The following KMT2C variants were observed in gnomAD, a reference collection of about 807,000 sequenced individuals.
KMT2C encodes histone-lysine N-methyltransferase 2C.
In KMT2C, 88 loss-of-function variants were observed where a neutral mutation model predicts 507.9. The ratio of observed to expected loss-of-function variants is 0.17; its 90% CI spans 0.15 to 0.21. The LOEUF (loss-of-function observed/expected upper bound fraction) is 0.21, where lower values mean the gene tolerates loss of function less well. Ranked by LOEUF, KMT2C falls within the 10% of genes least tolerant of loss-of-function variation. The pLI is 1.00. For missense variants in KMT2C, 4,954 were observed against 5,957.8 expected, an observed-to-expected ratio of 0.83 and a Z score of 5.55; for synonymous variants, 2,049 against 2,080.8, an observed-to-expected ratio of 0.98 and a Z score of 0.42.
chr7:152,199,753 G>A (rs1332688498), intron 26 of KMT2C, among the ~76,000 whole-genome samples: 1 of 152,054 alleles, frequency 6.6e-6, no homozygotes, highest in Non-Finnish European at 1.5e-5. Context: ...AGCTTCATGA[G>A]TATTATTAAT....
intron 1 of KMT2C, among the ~76,000 whole-genome samples, chr7:152,387,566 G>T (rs1365328487): frequency 7.2e-6 from 1 of 138,490 alleles, no homozygotes; most frequent in South Asian, 2.3e-4. Flanking sequence ...TGCCTCCCGG[G>T]TTCACGCCAT....
rs2129202621 is a variant in KMT2C, at chr7:152,315,258, G to A, written c.470C>T (p.Pro157Leu). ...GTTTCTCCATGGCAAGATAAATCCA[G>A]GCGTTATTCTGAATTGTTTTAAGTC... ...QGDLKQFRIT[P>L]GFILPWRNQP... The change falls in exon 4 of 59, where the codon CCT becomes CTT. Residue 157 changes from proline (P) to leucine (L), a missense_variant. Pro to Leu is a moderately conservative substitution (Grantham distance 98). Transcript: ENST00000262189. The A allele has an allele frequency of 6.2e-7, 1 of 1,613,902 alleles. No homozygotes were observed. The highest frequency in any genetic ancestry group is 8.5e-7 in the Non-Finnish European group (1 of 1,179,900).
intron 42 of KMT2C, among the ~76,000 whole-genome samples, chr7:152,164,498 C>A (rs886762376): frequency 6.6e-6 from 1 of 151,824 alleles, no homozygotes; most frequent in Non-Finnish European, 1.5e-5. Flanking sequence ...ACCGTGTTAG[C>A]CAGGATGGTC....
intron 7 of KMT2C, among the ~76,000 whole-genome samples, chr7:152,271,661 G>A (rs773865397): frequency 2.6e-4 from 33 of 127,266 alleles, no homozygotes; most frequent in Non-Finnish European, 3.7e-4. Context: ...GTGACAGTGC[G>A]AGACTCCATC....
intron 1 of KMT2C, among the ~76,000 whole-genome samples, chr7:152,360,664 T>C (rs1435528724): frequency 6.6e-6 from 1 of 151,270 alleles, no homozygotes; most frequent in Non-Finnish European, 1.5e-5. Flanking sequence ...AGAAACCCCG[T>C]CACTACTAAA....
chr7:152,297,007 A>AAGAAAGAAAGAAAGAAAGAAAGAAAGAC (rs2096507906), intron 6 of KMT2C, among the ~76,000 whole-genome samples: 1 of 77,580 alleles, frequency 1.3e-5, no homozygotes, highest in African/African-American at 7.6e-5. Flanking sequence ...AAAAGAAAGA[A>AAGAAAGAAAGAAAGAAAGAAAGAAAGAC]AGAAAGAAAG....
At chr7:152,230,081 C>A (rs2095062354) in intron 17 of KMT2C, 54 bp from the exon 18 acceptor site, 1 of 898,586 alleles carries the variant, frequency 1.1e-6, no homozygotes. Context: ...TAAAAACCTA[C>A]AAATTTTACT....
intron 1 of KMT2C, among the ~76,000 whole-genome samples, chr7:152,397,329 T>C (rs2097543553): frequency 6.6e-6 from 1 of 151,994 alleles, no homozygotes; most frequent in Non-Finnish European, 1.5e-5. Flanking sequence ...TCCTGAGCTT[T>C]CCAAACACTT....
chr7:152,408,468 C>G (rs1308857450), intron 1 of KMT2C, among the ~76,000 whole-genome samples: 1 of 152,172 alleles, frequency 6.6e-6, no homozygotes, highest in East Asian at 1.9e-4. Context: ...AGCTGCAGAC[C>G]AATACCACTC....
intron 6 of KMT2C, among the ~76,000 whole-genome samples, chr7:152,283,272 T>TTA (rs1213346877): frequency 1.3e-5 from 2 of 148,864 alleles, no homozygotes; most frequent in Admixed American, 1.3e-4. Flanking sequence ...CACGTTTGCT[T>TTA]AACACAACTT....
Position 152,283,476 on chromosome 7 carries a change from G to C in KMT2C, c.850-9609C>G, listed in dbSNP as rs141827938. ...TGCTTTCTCTTTAGTCCAAAACCTG[G>C]GTGTAATTTTAGTCCAAATTTGAAA... On this transcript the variant is annotated intron_variant, in intron 6 of 58. Coordinates refer to ENST00000262189, the MANE Select transcript of KMT2C (RefSeq NM_170606.3). Among the ~76,000 whole-genome samples the C allele has an allele frequency of 2.5e-3, 374 of 151,944 alleles. 1 individual carries two copies. The highest frequency in any genetic ancestry group is 8.6e-3 in the African/African-American group (356 of 41,446).
chr7:152,203,091 A>C (rs936645672), intron 25 of KMT2C, 27 bp from the exon 26 acceptor site: 1 of 1,555,428 alleles, frequency 6.4e-7, no homozygotes. Context: ...ATTTATAAAT[A>C]TGTGACATTT....
At chr7:152,379,885 C>A (rs571365273) in intron 1 of KMT2C, among the ~76,000 whole-genome samples, 99 of 152,066 alleles carry the variant, frequency 6.5e-4, no homozygotes, top group African/African-American at 2.4e-3. Context: ...CACTTGAGCC[C>A]ATGGGTTCGA....
intron 37 of KMT2C, 42 bp from the exon 38 acceptor site, chr7:152,178,052 T>C (rs2129116045): frequency 7.6e-7 from 1 of 1,314,546 alleles, no homozygotes; most frequent in Non-Finnish European, 9.6e-7. Flanking sequence ...AGCAAATAGG[T>C]ATTATGTTAA....
chr7:152,277,379 GTTT>G (rs2096101949), intron 6 of KMT2C, among the ~76,000 whole-genome samples: 1 of 152,124 alleles, frequency 6.6e-6, no homozygotes, highest in Admixed American at 6.5e-5. Context: ...TGCAATGTCT[GTTT>G]TATATGAGTA....
At position 152,185,737 on chromosome 7, in the gene KMT2C, A is replaced by G; in HGVS notation, c.5009-106T>C. ...TGACAGTTAATCTTATTCAGGCCGT[A>G]TTCTCATGAGGTCATAGACCTATAT... On this transcript the variant is annotated intron_variant, in intron 33 of 58. Coordinates refer to ENST00000262189, the MANE Select transcript of KMT2C (RefSeq NM_170606.3). 2.4e-6 allele frequency: 2 copies of G among 849,118 alleles called. 1 individual carries two copies. Among genetic ancestry groups the G allele is most frequent in the South Asian group, 2.8e-5 (2 of 70,936 alleles). The allele number at this position is 849,118 out of a possible 1,614,324, so 52.6% of individuals were successfully genotyped here.
rs529887286 is a variant in KMT2C, at chr7:152,412,883, G to C, written c.161+22743C>G. On this transcript the variant is annotated intron_variant, in intron 1 of 58. Coordinates refer to ENST00000262189, the MANE Select transcript of KMT2C (RefSeq NM_170606.3). ...TTACCAACTCAGAATCCTGATTATA[G>C]ATTATCATCTCCTACTCAATACTTT... is the stretch of plus-strand genomic sequence containing the variant. Among the ~76,000 whole-genome samples the C allele has an allele frequency of 2.5e-3, 384 of 152,220 alleles. 1 individual carries two copies. Among genetic ancestry groups the C allele is most frequent in the Non-Finnish European group, 4.0e-3 (270 of 68,006 alleles).
At chr7:152,326,309 A>G (rs369729964) in intron 3 of KMT2C, among the ~76,000 whole-genome samples, 1 of 152,152 alleles carries the variant, frequency 6.6e-6, no homozygotes, top group Admixed American at 6.5e-5. Flanking sequence ...ATCCCCTAAA[A>G]TGTGAGTATT....
chr7:152,435,776 T>C lies in KMT2C; in HGVS notation c.11A>G (p.Glu4Gly), dbSNP rs1430028387. 1 of 1,355,648 alleles carries C rather than the reference T, an allele frequency of 7.4e-7. No individual in the cohort carries two copies. Among genetic ancestry groups the C allele is most frequent in the Admixed American group, 2.8e-5 (1 of 35,102 alleles). The allele number at this position is 1,355,648 out of a possible 1,614,324, so 84.0% of individuals were successfully genotyped here. A position where few individuals can be genotyped will look rare whatever the true frequency, so the allele number is the denominator to read the frequency against. MSS[E>G]EDKSVEQPQP... ...CGGCTGCTCCACGCTCTTGTCCTCC[T>C]CCGACGACATCCTAGTCACCAGGAA... The change falls in exon 1 of 59, where the codon GAG becomes GGG. Residue 4 changes from glutamate to glycine, a missense_variant. Glu to Gly is a moderately conservative substitution (Grantham distance 98). Around this residue, in one of 29 missense-constraint regions of KMT2C, gnomAD observed 51 missense variants for 43.5 expected, o/e 1.17. Coordinates refer to ENST00000262189, the MANE Select transcript of KMT2C (RefSeq NM_170606.3).
Sources: allele counts gnomAD v4.1 joint callset (sites outside exome capture counted in the v4.1 genomes callset), GRCh38; gene constraint gnomAD v4.1.1; regional missense constraint gnomAD v4.1.1; transcripts MANE v1.5; gene names NCBI Gene and HGNC (gene_info 2026-07-23, HGNC 2026-07-21).